CTDSPL2: variants seen among roughly 807,000 people sequenced by gnomAD.
CTDSPL2 encodes the protein CTD small phosphatase like 2.
In CTDSPL2, 5 loss-of-function variants were observed where a neutral mutation model predicts 60.0. That is an observed-to-expected ratio of 0.08 (90% CI 0.04 to 0.18). The LOEUF (loss-of-function observed/expected upper bound fraction) is 0.18. Among genes scored for constraint, CTDSPL2 ranks in the 10% least tolerant of loss-of-function variants. The pLI is 1.00. For synonymous variants in CTDSPL2, 186 were observed against 189.3 expected (o/e 0.98, Z 0.14); for missense variants, 370 against 548.8 (o/e 0.67, Z 3.26).
chr15:44,453,561 C>A (rs2080373288), intron 1 of CTDSPL2, among the ~76,000 whole-genome samples: 1 of 151,586 alleles, frequency 6.6e-6, no homozygotes, highest in African/African-American at 2.4e-5. Context: ...TCTCCCAATG[C>A]TATCCCTCCC....
chr15:44,437,311 A>G (rs2079998222), intron 1 of CTDSPL2, among the ~76,000 whole-genome samples: 1 of 152,216 alleles, frequency 6.6e-6, no homozygotes, highest in Non-Finnish European at 1.5e-5. Flanking sequence ...TTCTTCATAT[A>G]CAATGTGCTA....
intron 2 of CTDSPL2, among the ~76,000 whole-genome samples, chr15:44,477,852 T>A (rs2080950328): frequency 1.3e-5 from 2 of 151,500 alleles, no homozygotes; most frequent in African/African-American, 2.4e-5. Flanking sequence ...AAAAAAAAAA[T>A]ACTTAACACA....
chr15:44,472,891 C>G (rs2080839597), intron 2 of CTDSPL2, among the ~76,000 whole-genome samples: 1 of 152,210 alleles, frequency 6.6e-6, no homozygotes. Context: ...GAATTCCTGA[C>G]CTCAGGTGAC....
chr15:44,458,872 A>C, intron 1 of CTDSPL2, 119 bp from the exon 2 acceptor site: 1 of 551,564 alleles, frequency 1.8e-6, no homozygotes, highest in South Asian at 3.9e-5. Context: ...CCTAGAGTCT[A>C]GGACTTTTGT....
chr15:44,465,649 T>C (rs1210397826), intron 2 of CTDSPL2, among the ~76,000 whole-genome samples: 1 of 152,020 alleles, frequency 6.6e-6, no homozygotes, highest in Non-Finnish European at 1.5e-5. Context: ...AACATTTTTG[T>C]TCAAAATCTT....
intron 1 of CTDSPL2, among the ~76,000 whole-genome samples, chr15:44,440,506 T>G (rs901892386): frequency 6.6e-6 from 1 of 152,168 alleles, no homozygotes; most frequent in Non-Finnish European, 1.5e-5. Flanking sequence ...CTGTTGGTAA[T>G]ACTCTGTAAA....
intron 2 of CTDSPL2, among the ~76,000 whole-genome samples, chr15:44,466,462 A>G (rs975187701): frequency 2.6e-5 from 4 of 152,230 alleles, no homozygotes; most frequent in African/African-American, 9.6e-5. Context: ...TCTTCCCACC[A>G]CCACACACAC....
chr15:44,510,266 G>T (rs917135325), intron 8 of CTDSPL2, among the ~76,000 whole-genome samples: 18 of 152,100 alleles, frequency 1.2e-4, no homozygotes, highest in African/African-American at 3.1e-4. Flanking sequence ...CCAAAGTGCT[G>T]GGATTACAGG....
chr15:44,488,503 C>T (rs919667731), intron 4 of CTDSPL2, among the ~76,000 whole-genome samples: 2 of 152,020 alleles, frequency 1.3e-5, no homozygotes, highest in African/African-American at 4.8e-5. Context: ...TTTGAGATGC[C>T]ATGAAATATT....
chr15:44,493,814 AAT>A (rs932849487), intron 5 of CTDSPL2, among the ~76,000 whole-genome samples: 3 of 152,128 alleles, frequency 2.0e-5, no homozygotes, highest in Non-Finnish European at 2.9e-5. Context: ...ATAATAATAA[AAT>A]AAAAATATTC....
At chr15:44,480,759 C>T (rs1443112633) in intron 2 of CTDSPL2, among the ~76,000 whole-genome samples, 7 of 149,584 alleles carry the variant, frequency 4.7e-5, no homozygotes, top group South Asian at 2.1e-4. Flanking sequence ...CTTGAGCTTA[C>T]GAGTTTGAGG....
At chr15:44,506,144 C>G (rs1302067182) in intron 8 of CTDSPL2, among the ~76,000 whole-genome samples, 2 of 151,034 alleles carry the variant, frequency 1.3e-5, no homozygotes, top group African/African-American at 4.9e-5. Context: ...ATTCTCCTGC[C>G]TCAGCCTCCC....
chr15:44,436,758 T>C (rs540780486), intron 1 of CTDSPL2, among the ~76,000 whole-genome samples: 87 of 152,356 alleles, frequency 5.7e-4, no homozygotes, highest in African/African-American at 2.0e-3. Context: ...ATCTTGACTT[T>C]GTTGCCTTTA....
intron 1 of CTDSPL2, among the ~76,000 whole-genome samples, chr15:44,442,043 C>T (rs1454354023): frequency 6.6e-6 from 1 of 152,156 alleles, no homozygotes; most frequent in African/African-American, 2.4e-5. Flanking sequence ...TGCTGGTTCC[C>T]TCAAAACTGT....
At chr15:44,431,729 T>G (rs1392729105) in intron 1 of CTDSPL2, among the ~76,000 whole-genome samples, 2 of 150,552 alleles carry the variant, frequency 1.3e-5, no homozygotes, top group African/African-American at 4.9e-5. Context: ...TTTTTTTTTT[T>G]TTTTTTGAGA....
intron 6 of CTDSPL2, among the ~76,000 whole-genome samples, chr15:44,496,750 A>G (rs933761008): frequency 2.0e-5 from 3 of 152,126 alleles, no homozygotes; most frequent in African/African-American, 7.2e-5. Flanking sequence ...AGTCCCAGCT[A>G]TTAGGGAAGG....
At position 44,526,013 on chromosome 15, in the gene CTDSPL2, A is replaced by AT. The variant is rs1449831109; in HGVS notation, c.*1846dup. The AT allele has an allele frequency of 3.9e-5, 6 of 152,442 alleles. 1 individual carries two copies. The highest frequency in any genetic ancestry group is 1.9e-4 in the East Asian group (1 of 5,184). 9.4% of individuals were successfully genotyped at this position (152,442 alleles called of 1,614,324 possible). A position where few individuals can be genotyped will look rare whatever the true frequency, so the allele number is the denominator to read the frequency against. ...AAAGCATTTGCAATTCAGAATACTG[A>AT]TTTTTTTAATTTTATTTAAAGAAAG... On this transcript the variant is annotated 3_prime_UTR_variant, in exon 13 of 13. Coordinates refer to ENST00000260327, the MANE Select transcript of CTDSPL2 (RefSeq NM_016396.3).
chr15:44,459,035 A>G lies in CTDSPL2; in HGVS notation c.21A>G (p.Lys7=), dbSNP rs770856400. MRLRTR[K]ASQQSNQIQT... The stretch of plus-strand genomic sequence containing the variant: ...AAAAGATGAGGCTGAGAACACGGAA[A>G]GCTTCTCAGCAGTCAAATCAAATCC... Residue 7 remains lysine, a synonymous_variant, in exon 2 of 13, where the codon AAA becomes AAG. Transcript: ENST00000260327. The G allele has an allele frequency of 7.6e-6, 12 of 1,587,304 alleles. No homozygotes were observed. Among genetic ancestry groups the G allele is most frequent in the Admixed American group, 1.8e-5 (1 of 56,644 alleles).
At chr15:44,458,029 A>C (rs1417762708) in intron 1 of CTDSPL2, among the ~76,000 whole-genome samples, 1 of 152,254 alleles carries the variant, frequency 6.6e-6, no homozygotes, top group African/African-American at 2.4e-5. Flanking sequence ...TTTAGAGTTT[A>C]AAGTGCTTAA....
Sources: gnomAD v4.1 joint callset for allele counts (sites outside exome capture counted in the v4.1 genomes callset) on GRCh38, gnomAD v4.1.1 for gene constraint, MANE v1.5 for transcripts, NCBI Gene and HGNC (gene_info 2026-07-23, HGNC 2026-07-21) for gene names.